Variants in NR3C2 observed in about 807,000 individuals in gnomAD.
NR3C2 encodes mineralocorticoid receptor.
A neutral mutation model predicts 86.4 loss-of-function variants in NR3C2; 15 were observed. The observed-to-expected ratio is 0.17, with a 90% CI of 0.12 to 0.27. NR3C2 has a LOEUF of 0.27. NR3C2 is among the 10% of genes least tolerant of loss of function. The pLI is 1.00. For missense variants in NR3C2, 960 were observed against 1,195.6 expected, an observed-to-expected ratio of 0.80 and a Z score of 2.91; for synonymous variants, 458 against 450.5, an observed-to-expected ratio of 1.02 and a Z score of -0.21.
intron 8 of NR3C2, among the ~76,000 whole-genome samples, chr4:148,089,334 TCA>T (rs1249263675): frequency 6.6e-6 from 1 of 152,230 alleles, no homozygotes; most frequent in Non-Finnish European, 1.5e-5. Context: ...AGCACCATGT[TCA>T]CACACACATG....
At chr4:148,271,481 T>G (rs1348368575) in intron 2 of NR3C2, among the ~76,000 whole-genome samples, 1 of 152,130 alleles carries the variant, frequency 6.6e-6, no homozygotes, top group Non-Finnish European at 1.5e-5. Flanking sequence ...CCACTAAGAT[T>G]TTCGGCACAC....
intron 4 of NR3C2, among the ~76,000 whole-genome samples, chr4:148,159,227 C>T (rs1560952388): frequency 6.6e-6 from 1 of 151,958 alleles, no homozygotes; most frequent in Non-Finnish European, 1.5e-5. Flanking sequence ...ATAAATTGAC[C>T]TTATTTAAAA....
chr4:148,333,150 G>A (rs370990607), intron 2 of NR3C2, among the ~76,000 whole-genome samples: 47 of 152,016 alleles, frequency 3.1e-4, no homozygotes, highest in African/African-American at 1.1e-3. Flanking sequence ...ATGTGCCTGT[G>A]GTCCCAGCTA....
At chr4:148,294,905 T>C (rs1422383111) in intron 2 of NR3C2, among the ~76,000 whole-genome samples, 1 of 152,114 alleles carries the variant, frequency 6.6e-6, no homozygotes, top group Non-Finnish European at 1.5e-5. Flanking sequence ...GGAGGATTGC[T>C]TGAGCCTAGG....
intron 8 of NR3C2, among the ~76,000 whole-genome samples, chr4:148,092,763 G>C (rs1001176624): frequency 6.6e-6 from 1 of 152,062 alleles, no homozygotes; most frequent in Non-Finnish European, 1.5e-5. Flanking sequence ...GACTCCATCC[G>C]CGTGCCATGC....
chr4:148,149,954 T>C (rs1429934467), intron 6 of NR3C2, among the ~76,000 whole-genome samples: 2 of 152,170 alleles, frequency 1.3e-5, no homozygotes, highest in African/African-American at 2.4e-5. Flanking sequence ...CTGCTGGGAA[T>C]GTAAAATGGT....
intron 2 of NR3C2, among the ~76,000 whole-genome samples, chr4:148,434,841 C>T (rs1749960371): frequency 6.6e-6 from 1 of 152,222 alleles, no homozygotes; most frequent in Middle Eastern, 3.4e-3. Flanking sequence ...TTTCCGAACA[C>T]CTAAAACAGG....
chr4:148,337,064 G>A (rs1300274292), intron 2 of NR3C2, among the ~76,000 whole-genome samples: 1 of 152,126 alleles, frequency 6.6e-6, no homozygotes, highest in Non-Finnish European at 1.5e-5. Context: ...CAAAGTGCTG[G>A]GACTACAGGC....
chr4:148,359,190 T>C (rs2150001398), intron 2 of NR3C2, among the ~76,000 whole-genome samples: 1 of 152,330 alleles, frequency 6.6e-6, no homozygotes, highest in Non-Finnish European at 1.5e-5. Flanking sequence ...GAAAAGATTA[T>C]AAGTTGGTTT....
At chr4:148,163,653 C>G (rs1734760554) in intron 4 of NR3C2, among the ~76,000 whole-genome samples, 1 of 142,544 alleles carries the variant, frequency 7.0e-6, no homozygotes. Flanking sequence ...TTTGCTCAGT[C>G]CTGTATGTAA....
At chr4:148,097,751 G>GTTTTTTTTT (rs553156519) in intron 8 of NR3C2, among the ~76,000 whole-genome samples, 2 of 102,916 alleles carry the variant, frequency 1.9e-5, no homozygotes, top group Non-Finnish European at 3.6e-5. Context: ...GTTTTTTTTT[G>GTTTTTTTTT]TTTTTTTTTT....
intron 3 of NR3C2, among the ~76,000 whole-genome samples, chr4:148,241,526 A>G (rs1422256888): frequency 6.6e-6 from 1 of 151,900 alleles, no homozygotes; most frequent in Non-Finnish European, 1.5e-5. Context: ...GCCAGGGCAC[A>G]CTTTAAGCTC....
At chr4:148,366,969 A>T (rs1746175352) in intron 2 of NR3C2, among the ~76,000 whole-genome samples, 2 of 152,188 alleles carry the variant, frequency 1.3e-5, no homozygotes, top group Non-Finnish European at 2.9e-5. Flanking sequence ...AGGTTTGCTT[A>T]TTTTCCATGG....
chr4:148,151,603 G>A (rs1734105411), intron 6 of NR3C2, among the ~76,000 whole-genome samples: 1 of 152,186 alleles, frequency 6.6e-6, no homozygotes, highest in African/African-American at 2.4e-5. Flanking sequence ...ACTGAGGTGT[G>A]TTGGCACTAT....
intron 2 of NR3C2, among the ~76,000 whole-genome samples, chr4:148,390,831 T>G (rs1747509417): frequency 6.6e-6 from 1 of 152,226 alleles, no homozygotes; most frequent in Non-Finnish European, 1.5e-5. Flanking sequence ...TAAAAAATTA[T>G]GTCTGCTCAT....
intron 8 of NR3C2, among the ~76,000 whole-genome samples, chr4:148,102,154 TAGCAGC>T (rs1190029722): frequency 2.0e-5 from 3 of 152,186 alleles, no homozygotes; most frequent in African/African-American, 7.2e-5. Flanking sequence ...TTTCTTCCTT[TAGCAGC>T]AGCGCTTTCC....
At chr4:148,342,365 A>T (rs1744788432) in intron 2 of NR3C2, among the ~76,000 whole-genome samples, 1 of 152,174 alleles carries the variant, frequency 6.6e-6, no homozygotes, top group Non-Finnish European at 1.5e-5. Context: ...TCTCTGTTTA[A>T]TTCAACAAAC....
At chr4:148,390,543 G>A (rs1057312527) in intron 2 of NR3C2, among the ~76,000 whole-genome samples, 2 of 152,176 alleles carry the variant, frequency 1.3e-5, no homozygotes, top group Non-Finnish European at 2.9e-5. Context: ...TGCCTAGGGA[G>A]ACAGTACACT....
At chr4:148,216,234 C>A (rs891062078) in intron 3 of NR3C2, among the ~76,000 whole-genome samples, 2 of 152,074 alleles carry the variant, frequency 1.3e-5, no homozygotes, top group Admixed American at 1.3e-4. Flanking sequence ...CACCACCCCC[C>A]CAACCATTTA....
Sources: allele counts gnomAD v4.1 joint callset (sites outside exome capture counted in the v4.1 genomes callset), GRCh38; gene constraint gnomAD v4.1.1; transcripts MANE v1.5; gene names NCBI Gene and HGNC (gene_info 2026-07-23, HGNC 2026-07-21).